The following NALF1 variants were observed in gnomAD, a reference collection of about 807,000 sequenced individuals.
NALF1 encodes family with sequence similarity 155 member A.
Under a neutral mutation model 48.4 loss-of-function variants are expected in NALF1, and 3 were observed. The ratio of observed to expected loss-of-function variants is 0.06; its 90% confidence interval spans 0.03 to 0.16. The LOEUF is 0.16. Among genes scored for constraint, NALF1 ranks in the 10% least tolerant of loss-of-function variants. NALF1 has a pLI of 1.00. For synonymous variants in NALF1, 262 were observed against 245.7 expected, an observed-to-expected ratio of 1.07 and a Z score of -0.62; for missense variants, 526 against 571.5, an observed-to-expected ratio of 0.92 and a Z score of 0.81.
At chr13:107,211,434 G>A (rs1178435427) in intron 1 of NALF1, among the ~76,000 whole-genome samples, 1 of 152,190 alleles carries the variant, frequency 6.6e-6, no homozygotes, top group Non-Finnish European at 1.5e-5. Flanking sequence ...CAACCTTCTG[G>A]ATGATGTGCA....
At chr13:107,255,173 T>C (rs1476620358) in intron 1 of NALF1, among the ~76,000 whole-genome samples, 3 of 152,202 alleles carry the variant, frequency 2.0e-5, no homozygotes, top group South Asian at 2.1e-4. Flanking sequence ...GACAGCTCTC[T>C]CATGGGTTGC....
chr13:107,695,093 T>C (rs1376781852), intron 1 of NALF1, among the ~76,000 whole-genome samples: 1 of 152,176 alleles, frequency 6.6e-6, no homozygotes, highest in African/African-American at 2.4e-5. Context: ...ACACCTGGCC[T>C]GATGTCAGTT....
Position 107,820,001 on chromosome 13 carries a change from A to G in NALF1, c.915+45681T>C, listed in dbSNP as rs150735212. Among the ~76,000 whole-genome samples, 831 of 152,258 alleles carry G rather than the reference A, an allele frequency of 5.5e-3. 6 individuals are homozygous for G. Among genetic ancestry groups the G allele is most frequent in the Non-Finnish European group, 9.5e-3 (643 of 68,022 alleles). On this transcript the variant is annotated intron_variant, in intron 1 of 2. Coordinates refer to ENST00000375915, the MANE Select transcript of NALF1 (RefSeq NM_001080396.3). ...GGAATCTGGAAGCCAAATCCTGAAG[A>G]CAAAGATTACAGACTTCTTGCTTCA...
At chr13:107,371,180 C>T (rs1227045466) in intron 1 of NALF1, among the ~76,000 whole-genome samples, 1 of 152,144 alleles carries the variant, frequency 6.6e-6, no homozygotes, top group Non-Finnish European at 1.5e-5. Context: ...GGCACAGTGG[C>T]TCATGCTTAT....
intron 1 of NALF1, among the ~76,000 whole-genome samples, chr13:107,679,155 G>A (rs1319349580): frequency 6.6e-6 from 1 of 152,020 alleles, no homozygotes; most frequent in African/African-American, 2.4e-5. Context: ...GTTTAAATAT[G>A]TTAAAATATG....
chr13:107,258,624 C>T lies in NALF1; in HGVS notation c.916-47869G>A, dbSNP rs188037101. On this transcript the variant is annotated intron_variant, in intron 1 of 2. Transcript: ENST00000375915. ...TAGATAAGCTTGATATAATCCATCA[C>T]GGTGATGCAGAAGCCAATATGCTGC... Among the ~76,000 whole-genome samples the T allele has an allele frequency of 3.9e-4, 59 of 152,198 alleles. 1 individual carries two copies. In the East Asian group the frequency reaches 6.0e-3, roughly 15 times the overall value.
chr13:107,349,683 G>A (rs533726497), intron 1 of NALF1, among the ~76,000 whole-genome samples: 1 of 150,496 alleles, frequency 6.6e-6, no homozygotes, highest in Admixed American at 6.7e-5. Context: ...AGAGATTTCA[G>A]TGAGCCGAGA....
intron 1 of NALF1, among the ~76,000 whole-genome samples, chr13:107,323,953 T>C (rs147461169): frequency 1.9e-4 from 29 of 152,152 alleles, no homozygotes; most frequent in East Asian, 3.9e-4. Context: ...CTATGAATAA[T>C]TGAAAAATTA....
At chr13:107,637,796 T>TGA (rs1880018288) in intron 1 of NALF1, among the ~76,000 whole-genome samples, 1 of 152,200 alleles carries the variant, frequency 6.6e-6, no homozygotes, top group Non-Finnish European at 1.5e-5. Context: ...GAGAAGAAAC[T>TGA]GAGTAATGAT....
chr13:107,541,287 A>G lies in NALF1; in HGVS notation c.915+324395T>C, dbSNP rs539062207. 7.7e-4 allele frequency among the ~76,000 whole-genome samples: 118 copies of G among 152,270 alleles called. 1 individual carries two copies. The highest frequency in any genetic ancestry group is 3.4e-3 in the Middle Eastern group (1 of 294). Reference sequence around the variant, plus strand: ...TTGCTTTTGAAGAGGCTGTTCCAGCATGGATGGTACATTGTCCTAAACACC... The same window carrying G: ...TTGCTTTTGAAGAGGCTGTTCCAGCGTGGATGGTACATTGTCCTAAACACC... On this transcript the variant is annotated intron_variant, in intron 1 of 2. Transcript: ENST00000375915.
At chr13:107,205,918 C>T (rs573382625) in intron 2 of NALF1, among the ~76,000 whole-genome samples, 9 of 151,872 alleles carry the variant, frequency 5.9e-5, no homozygotes, top group East Asian at 2.0e-4. Context: ...TGGAATGAGG[C>T]GAGGGAGTGT....
At chr13:107,486,655 C>T (rs1885334566) in intron 1 of NALF1, among the ~76,000 whole-genome samples, 1 of 152,132 alleles carries the variant, frequency 6.6e-6, no homozygotes, top group South Asian at 2.1e-4. Flanking sequence ...TGGAGGCACA[C>T]AAGGTGACAA....
chr13:107,221,548 C>T lies in NALF1; in HGVS notation c.916-10793G>A, dbSNP rs147563036. On this transcript the variant is annotated intron_variant, in intron 1 of 2. Transcript: ENST00000375915. ...GGAGCCAAGACTGCACCATTGCACT[C>T]CAGCCTGGGTGACAGAGTGAGACTC... is the stretch of plus-strand genomic sequence containing the variant. Among the ~76,000 whole-genome samples, 8 of 151,986 alleles carry T rather than the reference C, an allele frequency of 5.3e-5. No individual in the cohort carries two copies. The South Asian group carries it at 1.7e-3, about 32-fold the overall frequency.
At position 107,847,261 on chromosome 13, in the gene NALF1, T is replaced by C. The variant is rs138597461; in HGVS notation, c.915+18421A>G. On this transcript the variant is annotated intron_variant, in intron 1 of 2. Transcript: ENST00000375915. Reference sequence around the variant, plus strand: ...TTATCAAACATTTCTCTTTGATTTATTGACAAAATCAAACAAAAATAAACA... The same window carrying C: ...TTATCAAACATTTCTCTTTGATTTACTGACAAAATCAAACAAAAATAAACA... 4.4e-3 allele frequency among the ~76,000 whole-genome samples: 669 copies of C among 152,342 alleles called. 4 individuals carry two copies. Among genetic ancestry groups the C allele is most frequent in the Middle Eastern group, 0.017 (5 of 294 alleles).
At chr13:107,660,179 CTTAT>C (rs1594190148) in intron 1 of NALF1, among the ~76,000 whole-genome samples, 1 of 151,862 alleles carries the variant, frequency 6.6e-6, no homozygotes, top group African/African-American at 2.4e-5. Context: ...GTGGCTCACA[CTTAT>C]AATCCCAGCA....
chr13:107,372,344 A>G (rs1883262050), intron 1 of NALF1, among the ~76,000 whole-genome samples: 1 of 152,244 alleles, frequency 6.6e-6, no homozygotes, highest in Admixed American at 6.5e-5. Context: ...CCTCTATTGC[A>G]ACAATTAAAA....
intron 1 of NALF1, among the ~76,000 whole-genome samples, chr13:107,638,164 T>G (rs570741711): frequency 1.4e-5 from 2 of 144,484 alleles, no homozygotes; most frequent in East Asian, 2.1e-4. Flanking sequence ...ACTTGGAGTA[T>G]ATATCCCTAT....
intron 1 of NALF1, among the ~76,000 whole-genome samples, chr13:107,739,705 G>A (rs932112904): frequency 1.3e-5 from 2 of 152,062 alleles, no homozygotes; most frequent in Non-Finnish European, 1.5e-5. Flanking sequence ...CATTAGGAAC[G>A]GGGCCACACA....
chr13:107,731,634 A>T (rs986673076), intron 1 of NALF1, among the ~76,000 whole-genome samples: 1 of 152,112 alleles, frequency 6.6e-6, no homozygotes, highest in Non-Finnish European at 1.5e-5. Context: ...TCTCCCACTT[A>T]TAAGTGAGAA....
Sources: allele counts gnomAD v4.1 joint callset (sites outside exome capture counted in the v4.1 genomes callset), GRCh38; gene constraint gnomAD v4.1.1; transcripts MANE v1.5; gene names NCBI Gene and HGNC (gene_info 2026-07-23, HGNC 2026-07-21).